Variants in TMEM33 observed in about 807,000 individuals in gnomAD.
TMEM33 encodes transmembrane protein 33.
Under a neutral mutation model 29.7 loss-of-function variants are expected in TMEM33, and 16 were observed. The observed-to-expected ratio is 0.54, with a 90% CI of 0.36 to 0.82. The LOEUF is 0.82. Ranked by LOEUF, TMEM33 falls within the 40% of genes least tolerant of loss-of-function variation. TMEM33 has a pLI of 0.00. For missense variants in TMEM33, 252 were observed against 295.3 expected (o/e 0.85, Z 1.08); for synonymous variants, 112 against 109.4 (o/e 1.02, Z -0.15).
intron 6 of TMEM33, among the ~76,000 whole-genome samples, chr4:41,950,754 A>G (rs919873780): frequency 5.9e-5 from 9 of 152,182 alleles, no homozygotes; most frequent in Non-Finnish European, 7.4e-5. Context: ...ATTATCTTAT[A>G]TTCTCTTGCC....
chr4:41,954,045 C>T (rs759673338), intron 6 of TMEM33, 25 bp from the exon 7 acceptor site: 8 of 1,609,564 alleles, frequency 5.0e-6, no homozygotes, highest in Non-Finnish European at 5.9e-6. Flanking sequence ...TTGTGTTTCT[C>T]AAAGAAAACT....
rs1186228565 is a variant in TMEM33 at position 41,938,640 on chromosome 4, G to A, written c.84G>A (p.Trp28Ter). ...CCAATAAACTGGACACGGCAATGTG[G>A]CTTTCTCGCTTGTTCACAGTTTACT... ...MMTNKLDTAM[W>*]LSRLFTVYCS... The change falls in exon 2 of 7, where the codon TGG becomes TGA. Residue 28 changes from tryptophan (W) to a stop codon, truncating the protein, a stop_gained. Coordinates refer to ENST00000504986, the MANE Select transcript of TMEM33 (RefSeq NM_018126.3). LOFTEE classifies it high-confidence loss of function. 6.2e-7 allele frequency: 1 copy of A among 1,614,018 alleles called. No individual in the cohort carries two copies.
rs6852659 is a variant in TMEM33, at chr4:41,954,234, G to A, written c.*35G>A. The A allele has an allele frequency of 0.054, 86,262 of 1,603,304 alleles. 2,755 individuals are homozygous for A. The highest frequency in any genetic ancestry group is 0.12 in the African/African-American group (8,992 of 74,654). ...TAGTTAAGCTACAAATATAGTATAA[G>A]CATTATTAGCAGCTGGTACTTCTGC... is the stretch of plus-strand genomic sequence containing the variant. On this transcript the variant is annotated 3_prime_UTR_variant, in exon 7 of 7. Transcript: ENST00000504986.
chr4:41,945,464 T>C (rs916220224), intron 5 of TMEM33, among the ~76,000 whole-genome samples: 2 of 152,210 alleles, frequency 1.3e-5, no homozygotes, highest in Non-Finnish European at 2.9e-5. Context: ...ATTTTTAGTT[T>C]TACAAGTAAT....
chr4:41,953,931 G>C, intron 6 of TMEM33, 139 bp from the exon 7 acceptor site: 2 of 1,009,912 alleles, frequency 2.0e-6, no homozygotes, highest in Non-Finnish European at 3.0e-6. Context: ...AAGTGGCACT[G>C]ATAGTCTTGC....
At chr4:41,953,993 G>A in intron 6 of TMEM33, 77 bp from the exon 7 acceptor site, 2 of 1,552,510 alleles carry the variant, frequency 1.3e-6, no homozygotes, top group South Asian at 2.3e-5. Flanking sequence ...AAATATCTAT[G>A]GAGTACAATA....
intron 5 of TMEM33, among the ~76,000 whole-genome samples, chr4:41,948,759 T>C (rs1157131561): frequency 1.3e-5 from 2 of 152,130 alleles, no homozygotes; most frequent in African/African-American, 4.8e-5. Flanking sequence ...AATGTCTTAA[T>C]TCAGATAGTT....
At position 41,939,277 on chromosome 4, in the gene TMEM33, A is replaced by G; in HGVS notation, c.222A>G (p.Leu74=). 1 of 1,613,764 alleles carries G rather than the reference A, an allele frequency of 6.2e-7. No individual in the cohort carries two copies. The highest frequency in any genetic ancestry group is 8.5e-7 in the Non-Finnish European group (1 of 1,179,920). ...LTSALRLHQR[L]PHFQLSRAFL... ...GTGCTCTGAGGCTGCATCAAAGATT[A>G]CCACACTTCCAGTTAAGCAGAGCAT... The change falls in exon 3 of 7, where the codon TTA becomes TTG. Residue 74 remains leucine, a synonymous_variant. Transcript: ENST00000504986.
At chr4:41,943,602 G>A (rs1712646636) in intron 3 of TMEM33, 145 bp from the exon 4 acceptor site, 1 of 625,224 alleles carries the variant, frequency 1.6e-6, no homozygotes, top group African/African-American at 1.9e-5. Flanking sequence ...AATTTGATTT[G>A]GCTTAAAGTG....
intron 1 of TMEM33, among the ~76,000 whole-genome samples, chr4:41,937,157 G>C (rs1712282609): frequency 6.6e-6 from 1 of 151,670 alleles, no homozygotes; most frequent in South Asian, 2.1e-4. Flanking sequence ...ACATAAGTGT[G>C]TACAAAATGA....
At chr4:41,950,128 C>A (rs1360482223) in intron 6 of TMEM33, among the ~76,000 whole-genome samples, 1 of 151,788 alleles carries the variant, frequency 6.6e-6, no homozygotes, top group African/African-American at 2.4e-5. Flanking sequence ...TACCCTTGTG[C>A]CAGAAGAGTT....
At chr4:41,939,973 A>G (rs796636810) in intron 3 of TMEM33, 14 of 363,526 alleles carry the variant, frequency 3.9e-5, no homozygotes, top group African/African-American at 2.8e-4. Flanking sequence ...GTGTTGTGGG[A>G]TGATACTGGG....
At chr4:41,948,672 A>G (rs74595478) in intron 5 of TMEM33, among the ~76,000 whole-genome samples, 4,318 of 152,152 alleles carry the variant, frequency 0.028, 100 homozygotes, top group African/African-American at 0.055. Context: ...AAATAACCAT[A>G]ATATAAGTTG....
rs917356548 is a variant in TMEM33, at chr4:41,956,705, T to C, written c.*2506T>C. 6.6e-6 allele frequency: 1 copy of C among 152,194 alleles called. No individual in the cohort carries two copies. Among genetic ancestry groups the C allele is most frequent in the Admixed American group, 6.5e-5 (1 of 15,284 alleles). The allele number at this position is 152,194 out of a possible 1,614,324, so 9.4% of individuals were successfully genotyped here. A position where few individuals can be genotyped will look rare whatever the true frequency, so the allele number is the denominator to read the frequency against. ...GAGGTTTTATGTCATTTTAGCAGAA[T>C]TATAATATTTCTGATATACTCATGT... is the stretch of plus-strand genomic sequence containing the variant. On this transcript the variant is annotated 3_prime_UTR_variant, in exon 7 of 7. Transcript: ENST00000504986.
intron 3 of TMEM33, chr4:41,939,867 G>C (rs1203793795): frequency 6.9e-6 from 3 of 435,840 alleles, no homozygotes; most frequent in African/African-American, 6.2e-5. Context: ...AATATTTGCT[G>C]TGTATAGAGT....
In TMEM33 at chr4:41,955,965, G is replaced by C. The variant is rs116070757; in HGVS notation, c.*1766G>C. ...TTATAGAAGAGTCAGAAATGTACAAGAGAGTTTTTTTGTTGTTGTTTTTGT... is the reference window on the plus strand; with the variant it reads ...TTATAGAAGAGTCAGAAATGTACAACAGAGTTTTTTTGTTGTTGTTTTTGT... On this transcript the variant is annotated 3_prime_UTR_variant, in exon 7 of 7. Transcript: ENST00000504986. 0.025 allele frequency: 3,823 copies of C among 152,402 alleles called. 71 individuals carry two copies. Among genetic ancestry groups the C allele is most frequent in the African/African-American group, 0.043 (1,792 of 41,454 alleles). 9.4% of individuals were successfully genotyped at this position (152,402 alleles called of 1,614,324 possible).
intron 3 of TMEM33, among the ~76,000 whole-genome samples, chr4:41,943,275 A>G (rs112323673): frequency 0.028 from 4,321 of 152,306 alleles, 101 homozygotes; most frequent in African/African-American, 0.055. Context: ...CTGTAATCCC[A>G]GCACTTTGGG....
rs756542775 is a variant in TMEM33 at position 41,939,189 on chromosome 4, T to C, written c.141-7T>C. 6.3e-7 allele frequency: 1 copy of C among 1,589,872 alleles called. No individual in the cohort carries two copies. Among genetic ancestry groups the C allele is most frequent in the South Asian group, 1.1e-5 (1 of 87,214 alleles). The stretch of plus-strand genomic sequence containing the variant: ...CTCATGATAACCTCTCCTCTGGTAA[T>C]TTGCAGGTTGCATGAAGCAGCAAGC... On this transcript the variant is annotated splice_region_variant and splice_polypyrimidine_tract_variant and intron_variant, in intron 2 of 6. Coordinates refer to ENST00000504986, the MANE Select transcript of TMEM33 (RefSeq NM_018126.3).
chr4:41,944,016 G>A, intron 4 of TMEM33: 1 of 509,032 alleles, frequency 2.0e-6, no homozygotes, highest in East Asian at 3.4e-5. Context: ...ATAGATAAAG[G>A]ATTGCACTTA....
Sources: allele counts gnomAD v4.1 joint callset (sites outside exome capture counted in the v4.1 genomes callset), GRCh38; gene constraint gnomAD v4.1.1; transcripts MANE v1.5; gene names NCBI Gene and HGNC (gene_info 2026-07-23, HGNC 2026-07-21).